Variants in RAPGEF5 observed in about 807,000 individuals in gnomAD.
RAPGEF5 encodes M-Ras-regulated GEF.
RAPGEF5 carries 65 observed loss-of-function variants against 125.2 expected under a neutral mutation model. The observed-to-expected ratio is 0.52, with a 90% CI of 0.43 to 0.64. The LOEUF is 0.64. Ranked by LOEUF, RAPGEF5 falls within the 30% of genes least tolerant of loss-of-function variation. RAPGEF5 has a pLI of 0.00. For missense variants in RAPGEF5, 958 were observed against 1,048.1 expected (o/e 0.91, Z 1.19); for synonymous variants, 391 against 385.9 (o/e 1.01, Z -0.16).
At chr7:22,234,493 A>G (rs1362034117) in intron 7 of RAPGEF5, among the ~76,000 whole-genome samples, 1 of 152,198 alleles carries the variant, frequency 6.6e-6, no homozygotes, top group Non-Finnish European at 1.5e-5. Flanking sequence ...TTATCTCTCA[A>G]CACACAGAGT....
chr7:22,157,593 G>A (rs868246611), intron 15 of RAPGEF5, among the ~76,000 whole-genome samples: 7 of 152,096 alleles, frequency 4.6e-5, no homozygotes, highest in Admixed American at 1.3e-4. Flanking sequence ...GGGATAGCAG[G>A]GAGTCCCAAG....
chr7:22,126,789 A>G (rs1782759374), intron 24 of RAPGEF5, among the ~76,000 whole-genome samples: 1 of 150,688 alleles, frequency 6.6e-6, no homozygotes, highest in Non-Finnish European at 1.5e-5. Context: ...ATTTTGGCTA[A>G]TTTTTGTATT....
Position 22,242,863 on chromosome 7 carries a change from C to T in RAPGEF5, c.797-11944G>A, listed in dbSNP as rs532913380. 1.8e-4 allele frequency among the ~76,000 whole-genome samples: 27 copies of T among 148,886 alleles called. No homozygotes were observed. The East Asian group carries it at 4.4e-3, about 24-fold the overall frequency. On this transcript the variant is annotated intron_variant, in intron 7 of 25. Transcript: ENST00000665637. ...AGGAGAATCACTTGCAGGAGAATCA[C>T]TTGAATCCAGGAGGCAGAGGTTGCG...
chr7:22,219,778 A>C, intron 9 of RAPGEF5, 88 bp downstream of exon 9: 1 of 1,459,998 alleles, frequency 6.8e-7, no homozygotes, highest in Non-Finnish European at 9.1e-7. Context: ...AGAATTTAAA[A>C]TAAAATAGTC....
chr7:22,213,750 G>A (rs1219385056), intron 9 of RAPGEF5, among the ~76,000 whole-genome samples: 1 of 152,112 alleles, frequency 6.6e-6, no homozygotes, highest in Non-Finnish European at 1.5e-5. Context: ...CCCTAGTTGT[G>A]ACTTTCAATT....
At chr7:22,227,823 C>T (rs1785957260) in intron 8 of RAPGEF5, among the ~76,000 whole-genome samples, 1 of 152,224 alleles carries the variant, frequency 6.6e-6, no homozygotes, top group African/African-American at 2.4e-5. Flanking sequence ...GCCTGGGTGA[C>T]AGAGTAAGAC....
rs542850443 is a variant in RAPGEF5, at chr7:22,141,342, C to T, written c.2187-1227G>A. 3.3e-5 allele frequency among the ~76,000 whole-genome samples: 5 copies of T among 152,272 alleles called. No individual in the cohort carries two copies. The South Asian group carries it at 6.2e-4, about 19-fold the overall frequency. On this transcript the variant is annotated intron_variant, in intron 20 of 25. Transcript: ENST00000665637. ...AAGCTGTGAAGACATTAAAGGTTCT[C>T]GATACATAATACAAACCGCTGTCTC...
chr7:22,298,305 G>A (rs1783114031), intron 5 of RAPGEF5, among the ~76,000 whole-genome samples: 2 of 151,810 alleles, frequency 1.3e-5, no homozygotes, highest in African/African-American at 2.4e-5. Context: ...AGTCTCCCGA[G>A]TAGGTGGGAT....
chr7:22,333,274 G>A (rs949327310), intron 1 of RAPGEF5, among the ~76,000 whole-genome samples: 1 of 152,126 alleles, frequency 6.6e-6, no homozygotes, highest in Non-Finnish European at 1.5e-5. Context: ...ACAGTGGGGG[G>A]TCAGGGGGAG....
chr7:22,288,533 T>C (rs976310945), intron 6 of RAPGEF5, among the ~76,000 whole-genome samples: 5 of 151,918 alleles, frequency 3.3e-5, no homozygotes, highest in East Asian at 3.9e-4. Flanking sequence ...TTTCTTTTTT[T>C]TTTTTTTGAG....
intron 9 of RAPGEF5, among the ~76,000 whole-genome samples, chr7:22,213,383 A>G (rs1193719680): frequency 2.0e-5 from 3 of 152,200 alleles, no homozygotes; most frequent in Non-Finnish European, 2.9e-5. Flanking sequence ...CAGTTGTGAA[A>G]TGTGTTTGCC....
rs376882538 is a variant in RAPGEF5, at chr7:22,314,282, A to C, written c.389+1088T>G. ...ACCTTCTGAGGTATGAAAATCCACT[A>C]TATCTGGATAGTGGCTAAATGGATA... is the stretch of plus-strand genomic sequence containing the variant. On this transcript the variant is annotated intron_variant, in intron 3 of 25. Transcript: ENST00000665637. Among the ~76,000 whole-genome samples, 14 of 152,306 alleles carry C rather than the reference A, an allele frequency of 9.2e-5. No homozygotes were observed. The South Asian group carries it at 1.4e-3, about 16-fold the overall frequency.
At chr7:22,293,231 A>G (rs1361604809) in intron 5 of RAPGEF5, among the ~76,000 whole-genome samples, 1 of 152,142 alleles carries the variant, frequency 6.6e-6, no homozygotes, top group African/African-American at 2.4e-5. Context: ...TCTGCCTTCA[A>G]AGTGGCTCTG....
Position 22,351,284 on chromosome 7 carries a change from A to G in RAPGEF5, c.231+5546T>C, listed in dbSNP as rs1583598453. On this transcript the variant is annotated intron_variant, in intron 1 of 25. Transcript: ENST00000665637. The stretch of plus-strand genomic sequence containing the variant: ...CTTCTCCCCACTTCCCCTAAACCCA[A>G]TATGTCAATAATAAGCTTCTGTGTG... Among the ~76,000 whole-genome samples, 5 of 152,312 alleles carry G rather than the reference A, an allele frequency of 3.3e-5. No homozygotes were observed. In the South Asian group the frequency reaches 6.2e-4, roughly 19 times the overall value.
At chr7:22,224,366 C>CA (rs1785862300) in intron 8 of RAPGEF5, among the ~76,000 whole-genome samples, 1 of 152,050 alleles carries the variant, frequency 6.6e-6, no homozygotes, top group South Asian at 2.1e-4. Context: ...TTTCTACTTA[C>CA]AAATAAACAT....
intron 7 of RAPGEF5, among the ~76,000 whole-genome samples, chr7:22,237,217 C>T (rs7791512): frequency 0.051 from 7,727 of 152,210 alleles, 642 homozygotes; most frequent in African/African-American, 0.17. Context: ...TTTCTGTACA[C>T]TTGATATTTT....
At chr7:22,198,503 C>T (rs1785203919) in intron 9 of RAPGEF5, among the ~76,000 whole-genome samples, 1 of 152,186 alleles carries the variant, frequency 6.6e-6, no homozygotes, top group African/African-American at 2.4e-5. Context: ...GCCTTGGCCA[C>T]TACTTAAGAT....
chr7:22,144,974 G>C (rs773815202), intron 20 of RAPGEF5, 70 bp downstream of exon 20: 2 of 1,493,778 alleles, frequency 1.3e-6, no homozygotes, highest in Non-Finnish European at 1.8e-6. Flanking sequence ...TCATAAGAAA[G>C]AAAGAAAGAA....
chr7:22,220,538 C>G (rs1785760349), intron 8 of RAPGEF5, among the ~76,000 whole-genome samples: 1 of 151,954 alleles, frequency 6.6e-6, no homozygotes, highest in Non-Finnish European at 1.5e-5. Flanking sequence ...TAAAATACCA[C>G]TAATAGTGCA....
Sources: gnomAD v4.1 joint callset for allele counts (sites outside exome capture counted in the v4.1 genomes callset) on GRCh38, gnomAD v4.1.1 for gene constraint, MANE v1.5 for transcripts, NCBI Gene and HGNC (gene_info 2026-07-23, HGNC 2026-07-21) for gene names.